Variants in KRT33B observed in about 807,000 individuals in gnomAD.
KRT33B encodes the protein keratin 33B.
In KRT33B, 37 loss-of-function variants were observed where a neutral mutation model predicts 42.7. The ratio of observed to expected loss-of-function variants is 0.87; its 90% CI spans 0.67 to 1.14. The LOEUF is 1.14. KRT33B is among the 50% of genes most tolerant of loss of function. The probability of loss-of-function intolerance (pLI) is 0.00; values close to 1 mark genes in which losing one functional copy is unlikely to be tolerated. For missense variants in KRT33B, 523 were observed against 515.1 expected (o/e 1.02, Z -0.15); for synonymous variants, 237 against 221.2 (o/e 1.07, Z -0.63).
In KRT33B at chr17:41,364,868, G is replaced by A. The variant is rs554593826; in HGVS notation, c.1008C>T (p.Asn336=). 1.1e-5 allele frequency: 17 copies of A among 1,613,246 alleles called. No homozygotes were observed. The highest frequency in any genetic ancestry group is 6.7e-5 in the Admixed American group (4 of 59,998). The change falls in exon 6 of 7, where the codon AAC becomes AAT. Residue 336 remains asparagine (N), a synonymous_variant. Coordinates refer to ENST00000251646, the MANE Select transcript of KRT33B (RefSeq NM_002279.5). ...CGTCCAGCAGCACCTGATACTCCTGGTTCTGCCGCTCCAGGTCACTGCGGA... is the reference window on the plus strand; with the variant it reads ...CGTCCAGCAGCACCTGATACTCCTGATTCTGCCGCTCCAGGTCACTGCGGA... The part of the protein sequence containing the change: ...AEIRSDLERQ[N]QEYQVLLDVR...
chr17:41,363,563 A>G lies in KRT33B; in HGVS notation c.*273T>C. ...TGCAATAAAGGTAGAAGCAGCAGAG[A>G]GAACAAAACACCTCGTATGCCACTG... On this transcript the variant is annotated 3_prime_UTR_variant, in exon 7 of 7. Transcript: ENST00000251646. The G allele has an allele frequency of 2.9e-6, 1 of 344,156 alleles. No homozygotes were observed. 21.3% of individuals were successfully genotyped at this position (344,156 alleles called of 1,614,324 possible).
rs770691873 is a variant in KRT33B at position 41,364,000 on chromosome 17, A to G, written c.1098-47T>C. The G allele has an allele frequency of 2.3e-6, 3 of 1,298,182 alleles. No individual in the cohort carries two copies. In the South Asian group the frequency reaches 3.8e-5, roughly 16 times the overall value. The allele number at this position is 1,298,182 out of a possible 1,614,324, so 80.4% of individuals were successfully genotyped here. ...CTGTCAGCATGAGAAGGGTGATTCA[A>G]ACAAGGGAGACTCAATCCAAAGAGA... On this transcript the variant is annotated intron_variant, in intron 6 of 6. Transcript: ENST00000251646.
In KRT33B at chr17:41,366,456, G is replaced by A. The variant is rs1353297093; in HGVS notation, c.588+14C>T. 6.2e-7 allele frequency: 1 copy of A among 1,611,200 alleles called. No individual in the cohort carries two copies. The highest frequency in any genetic ancestry group is 8.5e-7 in the Non-Finnish European group (1 of 1,179,928). ...AGCTCTCAGTATTGGGATATTGGGG[G>A]CTGGGACTCTTACCTGCTCATGGTT... On this transcript the variant is annotated intron_variant, in intron 3 of 6. Coordinates refer to ENST00000251646, the MANE Select transcript of KRT33B (RefSeq NM_002279.5).
At chr17:41,364,738 G>C (rs966433533) in intron 6 of KRT33B, 41 bp downstream of exon 6, 1 of 1,610,324 alleles carries the variant, frequency 6.2e-7, no homozygotes, top group Non-Finnish European at 8.5e-7. Flanking sequence ...CAGTAGAACA[G>C]TGCCTGTCCC....
At chr17:41,368,128 A>C in intron 1 of KRT33B, 138 bp from the exon 2 acceptor site, 1 of 777,452 alleles carries the variant, frequency 1.3e-6, no homozygotes, top group Non-Finnish European at 2.2e-6. Context: ...AGATAAAAGG[A>C]GGATTTGATC....
In KRT33B at chr17:41,367,987, G is replaced by A. The variant is rs752677925; in HGVS notation, c.352C>T (p.Leu118=). ...KTIEELQQKI[L]CSKSENARLV... Reference sequence around the variant, plus strand: ...CTGGCATTCTCAGACTTGCTGCACAGGATCTGGGGATAGGATTAATCATGA... The same window carrying A: ...CTGGCATTCTCAGACTTGCTGCACAAGATCTGGGGATAGGATTAATCATGA... The change falls in exon 2 of 7, where the codon CTG becomes TTG. Residue 118 remains leucine (L), a synonymous_variant. Transcript: ENST00000251646. 6.2e-7 allele frequency: 1 copy of A among 1,612,908 alleles called. No individual in the cohort carries two copies. The highest frequency in any genetic ancestry group is 1.1e-5 in the South Asian group (1 of 91,080).
Position 41,364,915 on chromosome 17 carries a change from C to T in KRT33B, c.961G>A (p.Val321Met). 1.2e-6 allele frequency: 2 copies of T among 1,613,416 alleles called. No homozygotes were observed. The highest frequency in any genetic ancestry group is 1.7e-6 in the Non-Finnish European group (2 of 1,180,056). The change falls in exon 6 of 7, where the codon GTG (valine) becomes ATG (methionine). Residue 321 changes from valine to methionine, a missense_variant. Transcript: ENST00000251646. ...LSQVQSLITNVESQLAEIRSD... is the reference protein window; with the variant it reads ...LSQVQSLITNMESQLAEIRSD... The stretch of plus-strand genomic sequence containing the variant: ...CGGATCTCCGCCAGCTGGGACTCCA[C>T]GTTGGTGATCAGGCTCTGCACCTGG...
At chr17:41,367,602 G>T (rs2017717451) in intron 2 of KRT33B, among the ~76,000 whole-genome samples, 1 of 151,270 alleles carries the variant, frequency 6.6e-6, no homozygotes, top group Admixed American at 6.6e-5. Flanking sequence ...TACGAGGAAG[G>T]CTGAGGCAGG....
Position 41,365,475 on chromosome 17 carries a change from G to T in KRT33B, c.667C>A (p.Gln223Lys), listed in dbSNP as rs765271023. The T allele has an allele frequency of 1.9e-6, 3 of 1,613,008 alleles. No homozygotes were observed. Among genetic ancestry groups the T allele is most frequent in the South Asian group, 1.1e-5 (1 of 91,076 alleles). ...TGATTCCTGGTCTCGTTCAGGACCT[G>T]GTTCAGGTCCACAGCGGGAGCAGCG... ...VDAAPAVDLN[Q>K]VLNETRNQYE... The change falls in exon 4 of 7, where the codon CAG (glutamine) becomes AAG (lysine). Residue 223 changes from glutamine (Q) to lysine (K), a missense_variant. Transcript: ENST00000251646.
chr17:41,366,672 C>T, intron 2 of KRT33B, 46 bp from the exon 3 acceptor site: 2 of 1,520,584 alleles, frequency 1.3e-6, no homozygotes, highest in Non-Finnish European at 1.8e-6. Flanking sequence ...AAAAAAAAGT[C>T]TTTGTTTCCC....
chr17:41,368,197 C>A (rs560654307), intron 1 of KRT33B, among the ~76,000 whole-genome samples: 4 of 151,424 alleles, frequency 2.6e-5, no homozygotes, highest in Admixed American at 2.6e-4. Context: ...GAATTCTATT[C>A]TTATCTGCTT....
chr17:41,365,211 A>T lies in KRT33B; in HGVS notation c.840T>A (p.Asn280Lys). 3.1e-6 allele frequency: 5 copies of T among 1,611,896 alleles called. No homozygotes were observed. Among genetic ancestry groups the T allele is most frequent in the Non-Finnish European group, 4.2e-6 (5 of 1,180,024 alleles). The change falls in exon 5 of 7, where the codon AAT (asparagine) becomes AAA (lysine). Residue 280 changes from asparagine (N) to lysine (K), a missense_variant. Physicochemically the swap from Asn to Lys is moderately conservative, Grantham distance 94 (BLOSUM62 0). Transcript: ENST00000251646. ...AEIIELRRTV[N>K]ALEIELQAQH... ...GGGCCTGCAGCTCGATCTCCAGGGC[A>T]TTGACTGTGCGTCTCAGCTCGATGA...
Position 41,363,803 on chromosome 17 carries a change from C to T in KRT33B, c.*33G>A. 6.9e-7 allele frequency: 1 copy of T among 1,459,068 alleles called. No homozygotes were observed. The highest frequency in any genetic ancestry group is 9.5e-7 in the Non-Finnish European group (1 of 1,049,318). 90.4% of individuals were successfully genotyped at this position (1,459,068 alleles called of 1,614,324 possible). Reference sequence around the variant, plus strand: ...ACTGGCCCACCGATGGTAGTTCTGTCTTCATGCTATACTTCTGCTGGCCCC... The same window carrying T: ...ACTGGCCCACCGATGGTAGTTCTGTTTTCATGCTATACTTCTGCTGGCCCC... On this transcript the variant is annotated 3_prime_UTR_variant, in exon 7 of 7. Transcript: ENST00000251646.
Position 41,368,117 on chromosome 17 carries a change from G to A in KRT33B, c.349-127C>T. 4 of 810,092 alleles carry A rather than the reference G, an allele frequency of 4.9e-6. No individual in the cohort carries two copies. In the South Asian group the frequency reaches 6.2e-5, roughly 13 times the overall value. The allele number at this position is 810,092 out of a possible 1,614,324, so 50.2% of individuals were successfully genotyped here. The stretch of plus-strand genomic sequence containing the variant: ...TGAGTCCTTTCAGATTTTCAGCTCT[G>A]AGATAAAAGGAGGATTTGATCATAA... On this transcript the variant is annotated intron_variant, in intron 1 of 6. Transcript: ENST00000251646.
At chr17:41,365,681 C>T in intron 3 of KRT33B, 128 bp from the exon 4 acceptor site, 2 of 1,244,532 alleles carry the variant, frequency 1.6e-6, no homozygotes, top group African/African-American at 3.2e-5. Context: ...GCCCAGCTGT[C>T]ACCTCTGGAA....
chr17:41,365,294 C>A lies in KRT33B; in HGVS notation c.757G>T (p.Glu253Ter), dbSNP rs541906440. Residue 253 changes from glutamate (E) to a stop codon, truncating the protein, a stop_gained, in exon 5 of 7, where the codon GAG (glutamate) becomes TAG (stop). Transcript: ENST00000251646. LOFTEE classifies it high-confidence loss of function. ...VEQWFATQTE[E>*]LNKQVVSSSE... ...CTGGATACCACCTGCTTGTTCAGCT[C>A]CTCGGTCTGAAACACCCAAGGGGAG... 4.3e-6 allele frequency: 7 copies of A among 1,612,644 alleles called. No homozygotes were observed. In the South Asian group the frequency reaches 7.7e-5, roughly 18 times the overall value.
At chr17:41,366,658 C>CAAA in intron 2 of KRT33B, 32 bp from the exon 3 acceptor site, 4 of 1,157,802 alleles carry the variant, frequency 3.5e-6, no homozygotes, top group South Asian at 1.7e-5. Flanking sequence ...AAAAGAGGTC[C>CAAA]AAAAAAAAAA....
intron 6 of KRT33B, 72 bp from the exon 7 acceptor site, chr17:41,364,025 A>G: frequency 9.3e-7 from 1 of 1,080,294 alleles, no homozygotes; most frequent in Non-Finnish European, 1.4e-6. Context: ...ATCCAAAGAG[A>G]CACAGAAACA....
At position 41,364,891 on chromosome 17, in the gene KRT33B, G is replaced by A. The variant is rs766643158; in HGVS notation, c.985C>T (p.Arg329Cys). 18 of 1,613,188 alleles carry A rather than the reference G, an allele frequency of 1.1e-5. No individual in the cohort carries two copies. In the Middle Eastern group the frequency reaches 6.6e-4, roughly 59 times the overall value. The change falls in exon 6 of 7, where the codon CGC (arginine) becomes TGC (cysteine). Residue 329 changes from arginine (R) to cysteine (C), a missense_variant. Physicochemically the swap from Arg to Cys is radical, Grantham distance 180. Transcript: ENST00000251646. The part of the protein sequence containing the change: ...TNVESQLAEI[R>C]SDLERQNQEY... ...TGGTTCTGCCGCTCCAGGTCACTGC[G>A]GATCTCCGCCAGCTGGGACTCCACG...
Sources: allele counts gnomAD v4.1 joint callset (sites outside exome capture counted in the v4.1 genomes callset), GRCh38; gene constraint gnomAD v4.1.1; transcripts MANE v1.5; gene names NCBI Gene and HGNC (gene_info 2026-07-23, HGNC 2026-07-21).